The following FOXP1 variants were observed in gnomAD, a reference collection of about 807,000 sequenced individuals.
FOXP1 encodes the protein forkhead box protein P1.
Under a neutral mutation model 98.2 loss-of-function variants are expected in FOXP1, and 15 were observed. The ratio of observed to expected loss-of-function variants is 0.15; its 90% CI spans 0.10 to 0.24. The LOEUF is 0.24. Ranked by LOEUF, FOXP1 falls within the 10% of genes least tolerant of loss-of-function variation. The pLI is 1.00. For missense variants in FOXP1, 633 were observed against 848.5 expected, an observed-to-expected ratio of 0.75 and a Z score of 3.15; for synonymous variants, 371 against 314.5, an observed-to-expected ratio of 1.18 and a Z score of -1.90.
intron 3 of FOXP1, among the ~76,000 whole-genome samples, chr3:71,413,636 C>T (rs959270431): frequency 3.9e-5 from 6 of 152,126 alleles, no homozygotes; most frequent in Non-Finnish European, 7.4e-5. Flanking sequence ...TTGCTTTAGC[C>T]TATCTTTGTT....
chr3:71,162,052 T>C (rs2061163183), intron 6 of FOXP1, among the ~76,000 whole-genome samples: 1 of 152,184 alleles, frequency 6.6e-6, no homozygotes, highest in South Asian at 2.1e-4. Context: ...ACCCGCAGTT[T>C]ATGTGCAGAG....
At chr3:71,567,633 A>T (rs778828852) in intron 2 of FOXP1, among the ~76,000 whole-genome samples, 3 of 152,212 alleles carry the variant, frequency 2.0e-5, no homozygotes, top group Non-Finnish European at 2.9e-5. Flanking sequence ...GCACGTCCAT[A>T]AAATGACTTT....
chr3:71,182,336 G>A lies in FOXP1; in HGVS notation c.180+15866C>T, dbSNP rs147328179. ...GCAAAAAATAAATCTTGTTCAAGGT[G>A]CAGGTATTCTCTGCCATTTATATAT... On this transcript the variant is annotated intron_variant, in intron 6 of 20. Transcript: ENST00000649528. 3.3e-3 allele frequency among the ~76,000 whole-genome samples: 499 copies of A among 152,128 alleles called. 6 individuals carry two copies. Among genetic ancestry groups the A allele is most frequent in the African/African-American group, 0.011 (472 of 41,490 alleles).
chr3:71,191,659 G>A (rs955626149), intron 6 of FOXP1, among the ~76,000 whole-genome samples: 4 of 152,182 alleles, frequency 2.6e-5, no homozygotes, highest in African/African-American at 9.7e-5. Flanking sequence ...TTTGATGGAA[G>A]GCAGGTCTAA....
chr3:71,108,154 A>T (rs982710843), intron 7 of FOXP1, among the ~76,000 whole-genome samples: 2 of 152,210 alleles, frequency 1.3e-5, no homozygotes, highest in African/African-American at 4.8e-5. Flanking sequence ...GCAACACACA[A>T]AGTTTACTTT....
Position 70,958,509 on chromosome 3 carries a change from A to G in FOXP1, c.*738T>C, listed in dbSNP as rs1258347116. 2.8e-6 allele frequency: 1 copy of G among 362,978 alleles called. No individual in the cohort carries two copies. The highest frequency in any genetic ancestry group is 5.3e-6 in the Non-Finnish European group (1 of 188,838). 22.5% of individuals were successfully genotyped at this position (362,978 alleles called of 1,614,324 possible). Reference sequence around the variant, plus strand: ...AAGCTACAAACGAGAAATGACATTCAGCTTTGTATAATAAAAACACCTATT... The same window carrying G: ...AAGCTACAAACGAGAAATGACATTCGGCTTTGTATAATAAAAACACCTATT... On this transcript the variant is annotated 3_prime_UTR_variant, in exon 21 of 21. Coordinates refer to ENST00000649528, the MANE Select transcript of FOXP1 (RefSeq NM_001349338.3).
chr3:70,960,237 C>T (rs1214859028), intron 20 of FOXP1, among the ~76,000 whole-genome samples: 1 of 152,080 alleles, frequency 6.6e-6, no homozygotes, highest in South Asian at 2.1e-4. Flanking sequence ...GAAACACAAA[C>T]GTAGAGGAAA....
At chr3:70,971,729 G>A (rs756437588) in intron 18 of FOXP1, 152 of 295,144 alleles carry the variant, frequency 5.2e-4, no homozygotes, top group Non-Finnish European at 8.2e-4. Flanking sequence ...AGAGAGGGGG[G>A]ATTATGGGTT....
At chr3:71,341,260 T>C (rs2076989133) in intron 4 of FOXP1, among the ~76,000 whole-genome samples, 1 of 152,114 alleles carries the variant, frequency 6.6e-6, no homozygotes, top group Admixed American at 6.6e-5. Flanking sequence ...AAGTATGTTA[T>C]CCAATTACAA....
At chr3:71,015,711 C>T (rs1004721331) in intron 11 of FOXP1, 58 bp from the exon 12 acceptor site, 19 of 1,246,478 alleles carry the variant, frequency 1.5e-5, no homozygotes, top group Middle Eastern at 1.9e-4. Flanking sequence ...ACCATTCCAC[C>T]AGACGAGGAT....
At position 70,955,832 on chromosome 3, in the gene FOXP1, GCA is replaced by G. The variant is rs143202281; in HGVS notation, c.*3413_*3414del. 0.023 allele frequency: 4,256 copies of G among 184,958 alleles called. 24 individuals carry two copies. Among genetic ancestry groups the G allele is most frequent in the African/African-American group, 0.029 (1,285 of 43,770 alleles). 11.5% of individuals were successfully genotyped at this position (184,958 alleles called of 1,614,324 possible). A position where few individuals can be genotyped will look rare whatever the true frequency, so the allele number is the denominator to read the frequency against. On this transcript the variant is annotated 3_prime_UTR_variant, in exon 21 of 21. Coordinates refer to ENST00000649528, the MANE Select transcript of FOXP1 (RefSeq NM_001349338.3). The stretch of plus-strand genomic sequence containing the variant: ...AACAGATTAACACACACGCACGCGC[GCA>G]CACACACACACACACACACACAAAA...
At chr3:71,113,200 T>A (rs1019582908) in intron 6 of FOXP1, among the ~76,000 whole-genome samples, 1 of 152,196 alleles carries the variant, frequency 6.6e-6, no homozygotes, top group South Asian at 2.1e-4. Context: ...ATGACCTTGA[T>A]AGAAATCAGA....
intron 3 of FOXP1, among the ~76,000 whole-genome samples, chr3:71,432,363 C>T (rs2084796701): frequency 6.6e-6 from 1 of 152,196 alleles, no homozygotes; most frequent in South Asian, 2.1e-4. Flanking sequence ...TTTCCCCTTC[C>T]CCTTCCCTGC....
rs559376686 is a variant in FOXP1 at position 71,425,913 on chromosome 3, G to A, written c.-167-66669C>T. Among the ~76,000 whole-genome samples the A allele has an allele frequency of 1.5e-3, 223 of 152,160 alleles. 1 individual carries two copies. Among genetic ancestry groups the A allele is most frequent in the African/African-American group, 5.1e-3 (212 of 41,496 alleles). On this transcript the variant is annotated intron_variant, in intron 3 of 20. Transcript: ENST00000649528. ...ATCCCAACCATGTACACTCACCCACGTATAGCTGAACCACATCAATCAATA... is the reference window on the plus strand; with the variant it reads ...ATCCCAACCATGTACACTCACCCACATATAGCTGAACCACATCAATCAATA...
Position 70,957,072 on chromosome 3 carries a change from C to T in FOXP1, c.*2175G>A, listed in dbSNP as rs2032007598. The T allele has an allele frequency of 9.0e-6, 2 of 222,798 alleles. No individual in the cohort carries two copies. Among genetic ancestry groups the T allele is most frequent in the Non-Finnish European group, 1.8e-5 (2 of 111,694 alleles). The allele number at this position is 222,798 out of a possible 1,614,324, so 13.8% of individuals were successfully genotyped here. On this transcript the variant is annotated 3_prime_UTR_variant, in exon 21 of 21. Transcript: ENST00000649528. ...TTTTCTAGAAATACTATTATGTAAT[C>T]TAGTTCAATTATGGAAGCTTTTCTG...
At chr3:71,423,815 T>A (rs1294291909) in intron 3 of FOXP1, among the ~76,000 whole-genome samples, 1 of 152,252 alleles carries the variant, frequency 6.6e-6, no homozygotes, top group African/African-American at 2.4e-5. Context: ...ATGTGTGATC[T>A]AGCTGAGCCT....
intron 7 of FOXP1, among the ~76,000 whole-genome samples, chr3:71,062,375 GA>G (rs1279207674): frequency 6.6e-6 from 1 of 152,194 alleles, no homozygotes; most frequent in Non-Finnish European, 1.5e-5. Flanking sequence ...GGAAAAATAT[GA>G]GTTAATCCGC....
chr3:71,406,358 C>T (rs1476628799), intron 3 of FOXP1, among the ~76,000 whole-genome samples: 1 of 127,620 alleles, frequency 7.8e-6, no homozygotes, highest in African/African-American at 2.8e-5. Context: ...GAATTATTTT[C>T]GTTATTTTTT....
chr3:71,390,753 G>A (rs2080969703), intron 3 of FOXP1, among the ~76,000 whole-genome samples: 1 of 152,164 alleles, frequency 6.6e-6, no homozygotes. Flanking sequence ...AGTTAAAAAC[G>A]GTTAAATAAG....
Sources: allele counts gnomAD v4.1 joint callset (sites outside exome capture counted in the v4.1 genomes callset), GRCh38; gene constraint gnomAD v4.1.1; transcripts MANE v1.5; gene names NCBI Gene and HGNC (gene_info 2026-07-23, HGNC 2026-07-21).